The following NCAN variants were observed in gnomAD, a reference collection of about 807,000 sequenced individuals.
NCAN encodes the protein neurocan.
NCAN carries 47 observed loss-of-function variants against 121.8 expected under a neutral mutation model. That is an observed-to-expected ratio of 0.39 (90% CI 0.31 to 0.49). The LOEUF (loss-of-function observed/expected upper bound fraction) is 0.49. Ranked by LOEUF, NCAN falls within the 20% of genes least tolerant of loss-of-function variation. The probability of loss-of-function intolerance (pLI) is 0.92; values close to 1 mark genes in which losing one functional copy is unlikely to be tolerated. For synonymous variants in NCAN, 633 were observed against 702.0 expected, an observed-to-expected ratio of 0.90 and a Z score of 1.55; for missense variants, 1,517 against 1,773.4, an observed-to-expected ratio of 0.86 and a Z score of 2.60.
intron 3 of NCAN, among the ~76,000 whole-genome samples, chr19:19,221,215 T>A (rs1443105226): frequency 2.6e-5 from 4 of 151,912 alleles, no homozygotes; most frequent in African/African-American, 4.8e-5. Context: ...CACTCCAGCC[T>A]GGGCAACACA....
At chr19:19,247,248 CTTAT>C (rs923073029) in intron 13 of NCAN, among the ~76,000 whole-genome samples, 4 of 151,490 alleles carry the variant, frequency 2.6e-5, no homozygotes, top group African/African-American at 4.8e-5. Context: ...CCATGCCTGG[CTTAT>C]TTATTTATTT....
At chr19:19,236,221 T>C (rs892357076) in intron 10 of NCAN, among the ~76,000 whole-genome samples, 1 of 152,182 alleles carries the variant, frequency 6.6e-6, no homozygotes, top group African/African-American at 2.4e-5. Flanking sequence ...CTGCTTTCTG[T>C]CTCTGTGGAT....
At chr19:19,235,151 G>C in intron 10 of NCAN, 55 bp downstream of exon 10, 1 of 1,176,114 alleles carries the variant, frequency 8.5e-7, no homozygotes, top group Non-Finnish European at 1.3e-6. Flanking sequence ...TGGGTGCCCA[G>C]CCACAGGCTT....
chr19:19,233,719 G>A, intron 8 of NCAN, 70 bp from the exon 9 acceptor site: 1 of 957,072 alleles, frequency 1.0e-6, no homozygotes, highest in Non-Finnish European at 1.7e-6. Flanking sequence ...TGGGGGCCTG[G>A]GGTCTTGATT....
chr19:19,243,102 A>G (rs2060909806), intron 12 of NCAN, among the ~76,000 whole-genome samples: 2 of 152,004 alleles, frequency 1.3e-5, no homozygotes, highest in African/African-American at 4.8e-5. Flanking sequence ...TTCATGAAGC[A>G]TTCAGAGTAG....
At chr19:19,224,232 G>T (rs767368460) in intron 4 of NCAN, 37 bp downstream of exon 4, 42 of 1,590,840 alleles carry the variant, frequency 2.6e-5, no homozygotes, top group Non-Finnish European at 3.2e-5. Flanking sequence ...ATGAAGACTA[G>T]CTCATGGGGA....
intron 9 of NCAN, among the ~76,000 whole-genome samples, chr19:19,234,754 C>T: frequency 6.6e-6 from 1 of 152,256 alleles, no homozygotes. Context: ...TCCTGGCTCT[C>T]AGCTGCCCCA....
intron 3 of NCAN, among the ~76,000 whole-genome samples, chr19:19,220,233 C>T (rs1018437003): frequency 2.0e-5 from 3 of 150,558 alleles, no homozygotes; most frequent in South Asian, 2.1e-4. Context: ...CTGCATCCTC[C>T]GTCTAGGCAG....
chr19:19,233,938 ATTTG>A, intron 9 of NCAN, 33 bp downstream of exon 9: 2 of 1,403,996 alleles, frequency 1.4e-6, no homozygotes, highest in Non-Finnish European at 2.0e-6. Context: ...CTGAATCTGA[ATTTG>A]TTTGACTCCA....
chr19:19,220,101 G>C (rs1207472549), intron 3 of NCAN, among the ~76,000 whole-genome samples: 1 of 152,076 alleles, frequency 6.6e-6, no homozygotes, highest in East Asian at 1.9e-4. Context: ...CTATGAGAGA[G>C]GAGTCTCCAG....
At chr19:19,233,960 G>A in intron 9 of NCAN, 55 bp downstream of exon 9, 3 of 1,157,108 alleles carry the variant, frequency 2.6e-6, no homozygotes, top group Non-Finnish European at 3.9e-6. Flanking sequence ...CCAGAGCCTT[G>A]GGTTGTACTC....
At chr19:19,239,301 C>T (rs758764015) in intron 11 of NCAN, among the ~76,000 whole-genome samples, 83 of 152,042 alleles carry the variant, frequency 5.5e-4, no homozygotes, top group Non-Finnish European at 7.7e-4. Flanking sequence ...GGTGAGGATG[C>T]ACCTCCAGCC....
In NCAN at chr19:19,252,098, AGT is replaced by A. The variant is rs1228878073; in HGVS notation, c.*2195_*2196del. ...GTGCCATGTGCGTGGCACGCATATG[AGT>A]GTGTGTGCGTGTGAACGGCTTTGGG... On this transcript the variant is annotated 3_prime_UTR_variant, in exon 15 of 15. Coordinates refer to ENST00000252575, the MANE Select transcript of NCAN (RefSeq NM_004386.3). 3.3e-5 allele frequency: 5 copies of A among 152,604 alleles called. No homozygotes were observed. The highest frequency in any genetic ancestry group is 1.2e-4 in the African/African-American group (5 of 41,362). 9.5% of individuals were successfully genotyped at this position (152,604 alleles called of 1,614,324 possible).
chr19:19,223,192 G>A (rs1179425757), intron 3 of NCAN, among the ~76,000 whole-genome samples: 2 of 152,010 alleles, frequency 1.3e-5, no homozygotes, highest in Admixed American at 1.3e-4. Flanking sequence ...ATTGCTGCCT[G>A]TGCTTCCCTA....
At chr19:19,247,016 T>C (rs2060926742) in intron 13 of NCAN, among the ~76,000 whole-genome samples, 1 of 152,194 alleles carries the variant, frequency 6.6e-6, no homozygotes, top group African/African-American at 2.4e-5. Context: ...CTTTATTTTA[T>C]ACTTTGGTTT....
rs1442897949 is a variant in NCAN at position 19,249,800 on chromosome 19, C to T, written c.3855C>T (p.His1285=). The change falls in exon 15 of 15, where the codon CAC becomes CAT. Residue 1285 remains histidine, a synonymous_variant. Coordinates refer to ENST00000252575, the MANE Select transcript of NCAN (RefSeq NM_004386.3). ...CACATCGGATGCGGCGACACCACCACCACCACCAACACCACCACCAGCATC... is the reference window on the plus strand; with the variant it reads ...CACATCGGATGCGGCGACACCACCATCACCACCAACACCACCACCAGCATC... ...RRSHRMRRHH[H]HHQHHHQHHH... The T allele has an allele frequency of 6.2e-7, 1 of 1,611,708 alleles. No homozygotes were observed. Among genetic ancestry groups the T allele is most frequent in the East Asian group, 2.2e-5 (1 of 44,866 alleles).
intron 1 of NCAN, among the ~76,000 whole-genome samples, chr19:19,214,158 G>A (rs1033665307): frequency 1.3e-5 from 2 of 152,068 alleles, no homozygotes; most frequent in African/African-American, 4.8e-5. Context: ...CAGTGCTAAC[G>A]GAGACTTGAG....
chr19:19,230,393 C>G (rs1428509030), intron 8 of NCAN, among the ~76,000 whole-genome samples: 1 of 134,976 alleles, frequency 7.4e-6, no homozygotes, highest in Non-Finnish European at 1.5e-5. Context: ...ACCGCACCCC[C>G]CACCCCCAAA....
At chr19:19,234,952 C>A in intron 9 of NCAN, 31 bp from the exon 10 acceptor site, 2 of 1,480,792 alleles carry the variant, frequency 1.4e-6, no homozygotes, top group South Asian at 1.2e-5. Context: ...GGAAGCTGAC[C>A]TCTAACTCAG....
Sources: allele counts gnomAD v4.1 joint callset (sites outside exome capture counted in the v4.1 genomes callset), GRCh38; gene constraint gnomAD v4.1.1; transcripts MANE v1.5; gene names NCBI Gene and HGNC (gene_info 2026-07-23, HGNC 2026-07-21).